Variants in GABBR2 observed in about 807,000 individuals in gnomAD.
GABBR2 encodes the protein gamma-aminobutyric acid type B receptor subunit 2, also known as G-protein coupled receptor 51.
GABBR2 carries 23 observed loss-of-function variants against 105.6 expected under a neutral mutation model. That is an observed-to-expected ratio of 0.22 (90% confidence interval 0.16 to 0.31). GABBR2 has a LOEUF of 0.31. Ranked by LOEUF, GABBR2 falls within the 10% of genes least tolerant of loss-of-function variation. The probability of loss-of-function intolerance (pLI) is 1.00; values close to 1 mark genes in which losing one functional copy is unlikely to be tolerated. For missense variants in GABBR2, 734 were observed against 1,245.5 expected, an observed-to-expected ratio of 0.59 and a Z score of 6.18; for synonymous variants, 478 against 499.7, an observed-to-expected ratio of 0.96 and a Z score of 0.58.
At chr9:98,655,272 C>T (rs959258130) in intron 1 of GABBR2, among the ~76,000 whole-genome samples, 2 of 152,156 alleles carry the variant, frequency 1.3e-5, no homozygotes, top group Middle Eastern at 6.8e-3. Flanking sequence ...TTGTACCACT[C>T]TGGTGGGGGA....
At chr9:98,634,375 G>T (rs556587859) in intron 1 of GABBR2, among the ~76,000 whole-genome samples, 2 of 152,222 alleles carry the variant, frequency 1.3e-5, no homozygotes, top group Non-Finnish European at 2.9e-5. Context: ...TGGAAATAGG[G>T]TCTTTGCTGA....
At chr9:98,381,856 C>T (rs1468684301) in intron 11 of GABBR2, among the ~76,000 whole-genome samples, 1 of 152,116 alleles carries the variant, frequency 6.6e-6, no homozygotes, top group Non-Finnish European at 1.5e-5. Flanking sequence ...CACAAATGAG[C>T]GTGACTCCCA....
At chr9:98,485,382 T>A (rs1181323206) in intron 4 of GABBR2, among the ~76,000 whole-genome samples, 1 of 151,304 alleles carries the variant, frequency 6.6e-6, no homozygotes, top group African/African-American at 2.4e-5. Context: ...TGGAGAGGAG[T>A]CTAATGTTGC....
intron 3 of GABBR2, among the ~76,000 whole-genome samples, chr9:98,531,344 C>T (rs907001426): frequency 6.6e-6 from 1 of 152,126 alleles, no homozygotes; most frequent in Non-Finnish European, 1.5e-5. Context: ...TGAGGTCTTC[C>T]TTTTGAACCA....
intron 1 of GABBR2, chr9:98,608,012 A>G (rs1253110991): frequency 7.0e-6 from 9 of 1,289,474 alleles, no homozygotes; most frequent in Non-Finnish European, 8.9e-6. Context: ...ATAAACAATT[A>G]GAGGAAAAAC....
intron 3 of GABBR2, among the ~76,000 whole-genome samples, chr9:98,533,480 G>T (rs1317361967): frequency 6.6e-6 from 1 of 152,148 alleles, no homozygotes; most frequent in Admixed American, 6.5e-5. Flanking sequence ...AGGAAAACAG[G>T]AGGGAAAGAA....
chr9:98,422,378 C>T (rs766965107), intron 7 of GABBR2, among the ~76,000 whole-genome samples: 2 of 152,130 alleles, frequency 1.3e-5, no homozygotes, highest in East Asian at 1.9e-4. Context: ...TTCAGGACAG[C>T]GTCTGGCACT....
intron 8 of GABBR2, among the ~76,000 whole-genome samples, chr9:98,399,997 C>T (rs151185105): frequency 2.8e-5 from 4 of 144,754 alleles, no homozygotes; most frequent in Non-Finnish European, 4.5e-5. Context: ...GGCAACATAG[C>T]GAGACTCCCA....
At chr9:98,354,940 T>C (rs1831460201) in intron 13 of GABBR2, among the ~76,000 whole-genome samples, 1 of 152,214 alleles carries the variant, frequency 6.6e-6, no homozygotes, top group South Asian at 2.1e-4. Context: ...TCAACCTGCC[T>C]TCCTCACTAA....
intron 2 of GABBR2, among the ~76,000 whole-genome samples, chr9:98,574,963 G>C (rs1828886580): frequency 6.6e-6 from 1 of 152,120 alleles, no homozygotes; most frequent in Non-Finnish European, 1.5e-5. Flanking sequence ...CCATCCCTCT[G>C]ATCATTGAGC....
chr9:98,483,453 C>G (rs944758693), intron 4 of GABBR2, among the ~76,000 whole-genome samples: 1 of 152,160 alleles, frequency 6.6e-6, no homozygotes, highest in Non-Finnish European at 1.5e-5. Flanking sequence ...TCCATGGCTT[C>G]CTGAGGTTTG....
chr9:98,588,782 T>C lies in GABBR2; in HGVS notation c.322-10710A>G, dbSNP rs539618391. The stretch of plus-strand genomic sequence containing the variant: ...GGTGTGACCACCGAGTTTTGGGCAA[T>C]GGAATATGAACAAAGACGATGTGTG... On this transcript the variant is annotated intron_variant, in intron 1 of 18. Coordinates refer to ENST00000259455, the MANE Select transcript of GABBR2 (RefSeq NM_005458.8). Among the ~76,000 whole-genome samples, 7 of 152,074 alleles carry C rather than the reference T, an allele frequency of 4.6e-5. No individual in the cohort carries two copies. In the East Asian group the frequency reaches 1.2e-3, roughly 25 times the overall value.
chr9:98,697,027 C>T (rs566481100), intron 1 of GABBR2, among the ~76,000 whole-genome samples: 1 of 152,196 alleles, frequency 6.6e-6, no homozygotes, highest in South Asian at 2.1e-4. Flanking sequence ...TTGCCGCTTG[C>T]TTTTATGGGA....
At chr9:98,531,699 G>A (rs1828071239) in intron 3 of GABBR2, among the ~76,000 whole-genome samples, 1 of 152,254 alleles carries the variant, frequency 6.6e-6, no homozygotes, top group East Asian at 1.9e-4. Flanking sequence ...AAGAACAAGT[G>A]TTGCTTGAAC....
intron 1 of GABBR2, among the ~76,000 whole-genome samples, chr9:98,590,601 C>T (rs1418810438): frequency 1.3e-5 from 2 of 152,218 alleles, no homozygotes; most frequent in Non-Finnish European, 2.9e-5. Flanking sequence ...GAGGGGTGCT[C>T]TTTTCTGCAG....
intron 1 of GABBR2, among the ~76,000 whole-genome samples, chr9:98,611,607 C>T (rs1829508558): frequency 6.6e-6 from 1 of 152,148 alleles, no homozygotes; most frequent in South Asian, 2.1e-4. Context: ...AATGAGCTGG[C>T]AAGGAAGAGA....
At chr9:98,365,331 C>G (rs1427220710) in intron 12 of GABBR2, among the ~76,000 whole-genome samples, 1 of 152,168 alleles carries the variant, frequency 6.6e-6, no homozygotes, top group African/African-American at 2.4e-5. Context: ...AGCTGGCTAC[C>G]ATTACCTGGG....
chr9:98,479,895 C>T (rs1378906872), intron 5 of GABBR2, among the ~76,000 whole-genome samples: 1 of 152,192 alleles, frequency 6.6e-6, no homozygotes, highest in East Asian at 1.9e-4. Flanking sequence ...TCAGCTATCC[C>T]TCTACCACTT....
chr9:98,683,164 G>C (rs951340827), intron 1 of GABBR2, among the ~76,000 whole-genome samples: 1 of 151,922 alleles, frequency 6.6e-6, no homozygotes, highest in East Asian at 1.9e-4. Flanking sequence ...CGCGATCTCA[G>C]CTCACTGAAA....
Sources: allele counts gnomAD v4.1 joint callset (sites outside exome capture counted in the v4.1 genomes callset), GRCh38; gene constraint gnomAD v4.1.1; transcripts MANE v1.5; gene names NCBI Gene and HGNC (gene_info 2026-07-23, HGNC 2026-07-21).